Variants in PDE8B observed in about 807,000 individuals in gnomAD.
The protein encoded by PDE8B is phosphodiesterase 8B.
PDE8B carries 26 observed loss-of-function variants against 101.3 expected under a neutral mutation model. That is an observed-to-expected ratio of 0.26 (90% confidence interval 0.19 to 0.36). The LOEUF (loss-of-function observed/expected upper bound fraction) is 0.36. PDE8B is among the 10% of genes least tolerant of loss of function. PDE8B has a pLI of 1.00. For synonymous variants in PDE8B, 424 were observed against 429.3 expected, an observed-to-expected ratio of 0.99 and a Z score of 0.15; for missense variants, 810 against 1,163.1, an observed-to-expected ratio of 0.70 and a Z score of 4.42.
intron 1 of PDE8B, among the ~76,000 whole-genome samples, chr5:77,292,308 A>G (rs1487771751): frequency 6.6e-6 from 1 of 152,184 alleles, no homozygotes; most frequent in Non-Finnish European, 1.5e-5. Context: ...GTTTGTGGTT[A>G]TGGTGATAAA....
In PDE8B at chr5:77,351,007, G is replaced by A. The variant is rs573496244; in HGVS notation, c.1018-58G>A. ...CCTTCTCAGCCTTCTGAGACCCTCT[G>A]CAGGAGCAGCTGTCATCCTTGACTG... On this transcript the variant is annotated intron_variant, in intron 8 of 21. Transcript: ENST00000264917. The A allele has an allele frequency of 6.2e-4, 763 of 1,234,966 alleles. 5 individuals carry two copies. In the South Asian group the frequency reaches 8.8e-3, roughly 14 times the overall value. 76.5% of individuals were successfully genotyped at this position (1,234,966 alleles called of 1,614,324 possible). A position where few individuals can be genotyped will look rare whatever the true frequency, so the allele number is the denominator to read the frequency against.
At chr5:77,115,894 T>A in the PDE8B span, among the ~76,000 whole-genome samples, 2 of 152,178 alleles carry the variant, frequency 1.3e-5, no homozygotes, top group African/African-American at 4.8e-5. Flanking sequence ...TAATCTCTCA[T>A]TAACGTGAAC....
intron 2 of PDE8B, among the ~76,000 whole-genome samples, chr5:77,321,022 ATT>A (rs10710933): frequency 6.7e-6 from 1 of 150,192 alleles, no homozygotes; most frequent in Admixed American, 6.7e-5. Flanking sequence ...GGATAGTGCA[ATT>A]TTTTTTTTCA....
intron 1 of PDE8B, among the ~76,000 whole-genome samples, chr5:77,274,890 G>A (rs560041039): frequency 3.9e-5 from 6 of 152,174 alleles, no homozygotes; most frequent in African/African-American, 1.2e-4. Flanking sequence ...TCATATATAC[G>A]TTTCAGAGAG....
chr5:77,101,257 C>A, the PDE8B span, among the ~76,000 whole-genome samples: 1 of 151,836 alleles, frequency 6.6e-6, no homozygotes, highest in Non-Finnish European at 1.5e-5. Flanking sequence ...AGGAGTGAGC[C>A]GCTGCACCAG....
chr5:77,139,106 C>T, the PDE8B span: 1 of 152,222 alleles, frequency 6.6e-6, no homozygotes, highest in Non-Finnish European at 1.5e-5. Context: ...GCAGAACACG[C>T]TATACCCCAG....
chr5:77,100,790 G>T, the PDE8B span, among the ~76,000 whole-genome samples: 2 of 151,986 alleles, frequency 1.3e-5, no homozygotes, highest in African/African-American at 2.4e-5. Context: ...TATAGTCAGG[G>T]TTGATGTGAC....
chr5:77,196,032 G>A, the PDE8B span, among the ~76,000 whole-genome samples: 39,612 of 152,118 alleles, frequency 0.26, 6,365 homozygotes, highest in Non-Finnish European at 0.36. Flanking sequence ...GATGTTGAGC[G>A]TCTTTTCATG....
the PDE8B span, among the ~76,000 whole-genome samples, chr5:77,173,017 C>G: frequency 6.6e-6 from 1 of 152,176 alleles, no homozygotes; most frequent in Admixed American, 6.5e-5. Context: ...AGGGTAGAGT[C>G]TCATCAGCTA....
chr5:77,170,270 T>C, the PDE8B span, among the ~76,000 whole-genome samples: 1 of 152,206 alleles, frequency 6.6e-6, no homozygotes, highest in African/African-American at 2.4e-5. Context: ...CTGCATTTAT[T>C]GAGCGCTTAC....
At chr5:77,124,100 C>T in the PDE8B span, among the ~76,000 whole-genome samples, 1 of 152,190 alleles carries the variant, frequency 6.6e-6, no homozygotes, top group Non-Finnish European at 1.5e-5. Context: ...AAAGATTCAA[C>T]ACTCTTCAAA....
chr5:77,387,882 T>A (rs1490618455), intron 10 of PDE8B, among the ~76,000 whole-genome samples: 1 of 152,112 alleles, frequency 6.6e-6, no homozygotes. Context: ...TTGATACTTG[T>A]GTATGCTTCA....
chr5:77,375,889 C>CTTTT (rs70988668), intron 10 of PDE8B, among the ~76,000 whole-genome samples: 7,015 of 108,112 alleles, frequency 0.065, 792 homozygotes, highest in African/African-American at 0.19. Flanking sequence ...GCCTTGATTT[C>CTTTT]TTTTTTTTTT....
chr5:77,395,315 C>T (rs911429033), intron 10 of PDE8B, among the ~76,000 whole-genome samples: 1 of 151,340 alleles, frequency 6.6e-6, no homozygotes, highest in Admixed American at 6.6e-5. Flanking sequence ...GGGGGTTTCA[C>T]TGTGTTAGCC....
chr5:77,372,050 A>C (rs1785162174), intron 10 of PDE8B, among the ~76,000 whole-genome samples: 1 of 152,170 alleles, frequency 6.6e-6, no homozygotes, highest in African/African-American at 2.4e-5. Context: ...AAATACAAAA[A>C]TTAGCCAGGT....
chr5:77,241,517 T>G (rs1755762533), intron 1 of PDE8B, among the ~76,000 whole-genome samples: 1 of 152,212 alleles, frequency 6.6e-6, no homozygotes, highest in Non-Finnish European at 1.5e-5. Context: ...GTGCATTACC[T>G]CACTGAATCA....
intron 10 of PDE8B, among the ~76,000 whole-genome samples, chr5:77,372,053 A>T (rs1785163171): frequency 6.6e-6 from 1 of 152,182 alleles, no homozygotes; most frequent in Non-Finnish European, 1.5e-5. Flanking sequence ...TACAAAAATT[A>T]GCCAGGTATG....
At chr5:77,406,398 G>C (rs1442348474) in intron 12 of PDE8B, among the ~76,000 whole-genome samples, 1 of 152,230 alleles carries the variant, frequency 6.6e-6, no homozygotes, top group East Asian at 1.9e-4. Context: ...AATATAAAGA[G>C]AATATGAATC....
intron 11 of PDE8B, 99 bp downstream of exon 11, chr5:77,400,389 C>T (rs1792013146): frequency 1.2e-6 from 1 of 832,276 alleles, no homozygotes; most frequent in Admixed American, 1.8e-5. Context: ...ATCTACTACC[C>T]CAGAATGTGG....
Sources: gnomAD v4.1 joint callset for allele counts (sites outside exome capture counted in the v4.1 genomes callset) on GRCh38, gnomAD v4.1.1 for gene constraint, MANE v1.5 for transcripts, NCBI Gene and HGNC (gene_info 2026-07-23, HGNC 2026-07-21) for gene names.